Variants in GLDC observed in about 807,000 individuals in gnomAD.
GLDC encodes glycine dehydrogenase (decarboxylating), mitochondrial.
GLDC carries 104 observed loss-of-function variants against 121.3 expected under a neutral mutation model. That is an observed-to-expected ratio of 0.86 (90% CI 0.73 to 1.01). GLDC has a LOEUF of 1.01. GLDC is among the 50% of genes least tolerant of loss of function. The pLI is 0.00. For missense variants in GLDC, 1,429 were observed against 1,306.6 expected, an observed-to-expected ratio of 1.09 and a Z score of -1.44; for synonymous variants, 546 against 480.6, an observed-to-expected ratio of 1.14 and a Z score of -1.78.
intron 21 of GLDC, among the ~76,000 whole-genome samples, chr9:6,543,441 G>A (rs1451376732): frequency 1.3e-5 from 2 of 152,104 alleles, no homozygotes; most frequent in African/African-American, 4.8e-5. Context: ...CCAAGCAGAG[G>A]TTCAGTAATA....
At chr9:6,644,565 A>C (rs1349923615) in intron 2 of GLDC, 49 bp downstream of exon 2, 1 of 1,264,952 alleles carries the variant, frequency 7.9e-7, no homozygotes, top group Admixed American at 1.7e-5. Context: ...CACAAAAGAC[A>C]AATAGGCCAG....
chr9:6,579,658 T>G (rs1818137578), intron 15 of GLDC, among the ~76,000 whole-genome samples: 1 of 152,186 alleles, frequency 6.6e-6, no homozygotes, highest in African/African-American at 2.4e-5. Context: ...CAGTCCTGAT[T>G]GTTTAAAATT....
At chr9:6,545,959 T>C (rs1214847811) in intron 21 of GLDC, among the ~76,000 whole-genome samples, 1 of 152,144 alleles carries the variant, frequency 6.6e-6, no homozygotes. Flanking sequence ...CTTTTTTACT[T>C]TATAAACTAA....
intron 2 of GLDC, among the ~76,000 whole-genome samples, chr9:6,635,235 C>T (rs988108449): frequency 5.9e-5 from 9 of 152,204 alleles, no homozygotes; most frequent in African/African-American, 2.2e-4. Flanking sequence ...GTGCCTGAAG[C>T]AGTATCTTAT....
chr9:6,582,557 C>T (rs190299294), intron 15 of GLDC, among the ~76,000 whole-genome samples: 114 of 143,760 alleles, frequency 7.9e-4, no homozygotes, highest in African/African-American at 2.7e-3. Context: ...GGGCCGGGCG[C>T]GGTGGCTCAC....
intron 2 of GLDC, among the ~76,000 whole-genome samples, chr9:6,632,017 A>C (rs1819392298): frequency 6.6e-6 from 1 of 152,204 alleles, no homozygotes; most frequent in South Asian, 2.1e-4. Flanking sequence ...GCAGTGAGCC[A>C]TGATCATGCC....
intron 2 of GLDC, among the ~76,000 whole-genome samples, chr9:6,629,878 A>G (rs868716935): frequency 2.7e-5 from 4 of 146,376 alleles, no homozygotes; most frequent in Non-Finnish European, 4.5e-5. Context: ...ATTCACAAGA[A>G]ATTGATAATA....
At position 6,532,987 on chromosome 9, in the gene GLDC, A is replaced by C. The variant is rs1303367289; in HGVS notation, c.*30T>G. 1.3e-6 allele frequency: 2 copies of C among 1,538,652 alleles called. No homozygotes were observed. The highest frequency in any genetic ancestry group is 1.8e-6 in the Non-Finnish European group (2 of 1,112,724). On this transcript the variant is annotated 3_prime_UTR_variant, in exon 25 of 25. Transcript: ENST00000321612. Reference sequence around the variant, plus strand: ...TCAAATGCTCTGGGGAGAGGCATCAAATCAGTCCTTTAAACTTAGGGACAG... The same window carrying C: ...TCAAATGCTCTGGGGAGAGGCATCACATCAGTCCTTTAAACTTAGGGACAG...
At chr9:6,631,104 C>G (rs888566484) in intron 2 of GLDC, among the ~76,000 whole-genome samples, 2 of 152,228 alleles carry the variant, frequency 1.3e-5, no homozygotes, top group African/African-American at 2.4e-5. Context: ...AGGATATGGT[C>G]AGGGCAGCGG....
intron 15 of GLDC, among the ~76,000 whole-genome samples, chr9:6,579,379 A>G (rs1208708474): frequency 6.6e-6 from 1 of 152,084 alleles, no homozygotes; most frequent in African/African-American, 2.4e-5. Context: ...GAATCTTCTG[A>G]ATCTGTCTTC....
chr9:6,561,615 C>T (rs562908802), intron 16 of GLDC, among the ~76,000 whole-genome samples: 3 of 152,020 alleles, frequency 2.0e-5, no homozygotes, highest in South Asian at 4.2e-4. Flanking sequence ...TGCCATTGCA[C>T]TCCAGCCTGG....
At chr9:6,605,494 C>T (rs1818711532) in intron 5 of GLDC, 2 of 602,838 alleles carry the variant, frequency 3.3e-6, no homozygotes, top group South Asian at 1.8e-5. Flanking sequence ...TCTCTTCTAT[C>T]CTCTGACTCC....
chr9:6,566,855 T>A (rs1006250922), intron 15 of GLDC, among the ~76,000 whole-genome samples: 2 of 152,180 alleles, frequency 1.3e-5, no homozygotes, highest in African/African-American at 2.4e-5. Flanking sequence ...GTAAGAATTT[T>A]AAAAAATGTG....
intron 3 of GLDC, among the ~76,000 whole-genome samples, chr9:6,611,551 G>T (rs1191551689): frequency 1.2e-5 from 1 of 81,234 alleles, no homozygotes; most frequent in South Asian, 4.3e-4. Context: ...GCAAGACTCC[G>T]TCTCAAAAAA....
At chr9:6,636,024 G>A (rs997977118) in intron 2 of GLDC, among the ~76,000 whole-genome samples, 1 of 152,056 alleles carries the variant, frequency 6.6e-6, no homozygotes, top group South Asian at 2.1e-4. Context: ...TTTGGGTGAG[G>A]CCAGGCGCAG....
chr9:6,586,819 T>C (rs1818280842), intron 15 of GLDC, among the ~76,000 whole-genome samples: 1 of 152,176 alleles, frequency 6.6e-6, no homozygotes, highest in African/African-American at 2.4e-5. Context: ...TTCTCCATGC[T>C]TCATCTGGGA....
At position 6,595,094 on chromosome 9, in the gene GLDC, A is replaced by C. The variant is rs750059059; in HGVS notation, c.1181T>G (p.Met394Arg). ...ATGGGAACCATGGTAGATTGCAAAC[A>C]TGGCAGCCATATTCGCCAAGAGGGC... ...AQALLANMAA[M>R]FAIYHGSHGL... The change falls in exon 9 of 25, where the codon ATG becomes AGG. Residue 394 changes from methionine to arginine, a missense_variant. By Grantham distance (91) the Met-to-Arg change is moderately conservative (BLOSUM62 -1). Transcript: ENST00000321612. 1 of 1,612,484 alleles carries C rather than the reference A, an allele frequency of 6.2e-7. No individual in the cohort carries two copies. The highest frequency in any genetic ancestry group is 8.5e-7 in the Non-Finnish European group (1 of 1,178,618).
rs1209943477 is a variant in GLDC, at chr9:6,550,890, G to A, written c.2482C>T (p.Gln828Ter). ...TTTAATATCGCAGTTTCCGTGGCTT[G>A]TTTAAGACCCTTGCCTCCCATCATC... Reference protein sequence around the residue: ...IKMMGGKGLKQATETAILNAN... With the variant: ...IKMMGGKGLK The change falls in exon 21 of 25, where the codon CAA (glutamine) becomes TAA (stop). Residue 828 changes from glutamine (Q) to a stop codon, truncating the protein, a stop_gained. Transcript: ENST00000321612. LOFTEE classifies it high-confidence loss of function. The A allele has an allele frequency of 1.2e-6, 2 of 1,612,090 alleles. No individual in the cohort carries two copies. Among genetic ancestry groups the A allele is most frequent in the African/African-American group, 2.7e-5 (2 of 74,970 alleles).
chr9:6,580,721 C>G (rs1175596638), intron 15 of GLDC, among the ~76,000 whole-genome samples: 2 of 152,180 alleles, frequency 1.3e-5, no homozygotes, highest in Admixed American at 1.3e-4. Context: ...GGCTTCTGTG[C>G]ACATCAGGCA....
Sources: gnomAD v4.1 joint callset for allele counts (sites outside exome capture counted in the v4.1 genomes callset) on GRCh38, gnomAD v4.1.1 for gene constraint, MANE v1.5 for transcripts, NCBI Gene and HGNC (gene_info 2026-07-23, HGNC 2026-07-21) for gene names.